VRTN: variants seen among roughly 807,000 people sequenced by gnomAD.
VRTN encodes the protein vertebrae development associated.
Under a neutral mutation model 18.2 loss-of-function variants are expected in VRTN, and 5 were observed. The ratio of observed to expected loss-of-function variants is 0.27; its 90% CI spans 0.14 to 0.58. The LOEUF (loss-of-function observed/expected upper bound fraction) is 0.58. Among genes scored for constraint, VRTN ranks in the 20% least tolerant of loss-of-function variants. The probability of loss-of-function intolerance (pLI) is 0.91; values close to 1 mark genes in which losing one functional copy is unlikely to be tolerated. For synonymous variants in VRTN, 381 were observed against 393.7 expected (o/e 0.97, Z 0.38); for missense variants, 741 against 939.4 (o/e 0.79, Z 2.76).
chr14:74,305,713 G>T, intron 1 of VRTN: 1 of 152,544 alleles, frequency 6.6e-6, no homozygotes, highest in Non-Finnish European at 1.5e-5. Context: ...TTGGCTCACT[G>T]CAACCTCTGC....
rs2085753836 is a variant in VRTN at position 74,358,499 on chromosome 14, TGAG to T, written c.1720_1722del (p.Glu574del). On this transcript the variant is annotated inframe_deletion, in exon 2 of 2. Transcript: ENST00000256362. The surrounding 1 kb of genome is among the most constrained non-coding windows in gnomAD (Gnocchi z 5.4). ...CCTTGGGCAAAGGGGGGCAGGAGGC[TGAG>T]GAGAAGCAGGAGAAGGAGGCTGGCA... The T allele has an allele frequency of 6.2e-7, 1 of 1,614,070 alleles. No homozygotes were observed. Among genetic ancestry groups the T allele is most frequent in the Non-Finnish European group, 8.5e-7 (1 of 1,179,952 alleles).
intron 1 of VRTN, among the ~76,000 whole-genome samples, chr14:74,355,367 A>T (rs906242140): frequency 6.6e-6 from 1 of 152,078 alleles, no homozygotes; most frequent in Non-Finnish European, 1.5e-5. Flanking sequence ...TGCTAAAGGG[A>T]GCTAATTTAT....
At chr14:74,309,313 T>TCCCCA (rs1447937312) in intron 1 of VRTN, among the ~76,000 whole-genome samples, 2 of 152,152 alleles carry the variant, frequency 1.3e-5, no homozygotes, top group Non-Finnish European at 2.9e-5. Context: ...CACTACTGTG[T>TCCCCA]CCCCATTTTC....
chr14:74,345,710 G>T (rs2085639570), upstream of VRTN, among the ~76,000 whole-genome samples: 1 of 150,432 alleles, frequency 6.6e-6, no homozygotes, highest in Non-Finnish European at 1.5e-5. Flanking sequence ...GATCACCTGT[G>T]GTCAGGAGTT....
intron 1 of VRTN, among the ~76,000 whole-genome samples, chr14:74,319,206 G>C (rs1442923840): frequency 6.6e-6 from 1 of 151,490 alleles, no homozygotes; most frequent in East Asian, 1.9e-4. Context: ...GCTAATTTTT[G>C]TATTTTCAGT....
intron 1 of VRTN, among the ~76,000 whole-genome samples, chr14:74,324,033 A>T (rs1015359714): frequency 6.6e-5 from 10 of 152,070 alleles, no homozygotes; most frequent in African/African-American, 2.4e-4. Context: ...GGTCCTGAGG[A>T]TTGAGAGCTT....
rs1260462655 is a variant in VRTN at position 74,358,255 on chromosome 14, C to T, written c.1472C>T (p.Pro491Leu). 5 of 1,611,084 alleles carry T rather than the reference C, an allele frequency of 3.1e-6. No individual in the cohort carries two copies. The highest frequency in any genetic ancestry group is 2.2e-5 in the East Asian group (1 of 44,806). ...GCAGGGAATGCCACAGGTGAGGACC[C>T]TCCCGCCCCCGGGGAGCTCCTGCCA... ...EGAGNATGED[P>L]PAPGELLPLR... Residue 491 changes from proline to leucine, a missense_variant, in exon 2 of 2, where the codon CCT (proline) becomes CTT (leucine). By Grantham distance (98) the Pro-to-Leu change is moderately conservative. Around this residue, in one of 3 missense-constraint regions of VRTN, gnomAD observed 494 missense variants for 546.5 expected, o/e 0.90. Transcript: ENST00000256362. The surrounding 1 kb of genome is among the most constrained non-coding windows in gnomAD (Gnocchi z 5.4).
intron 2 of VRTN, among the ~76,000 whole-genome samples, chr14:74,341,819 G>A (rs1303632806): frequency 2.0e-5 from 3 of 152,192 alleles, no homozygotes; most frequent in Non-Finnish European, 2.9e-5. Flanking sequence ...ACACCTGGCC[G>A]CATGTCTTTT....
upstream of VRTN, among the ~76,000 whole-genome samples, chr14:74,344,244 T>TATAAAAAAAAAAAAA (rs2085627088): frequency 4.0e-4 from 1 of 2,476 alleles, no homozygotes; most frequent in African/African-American, 1.9e-3. Context: ...CTCTGCTTTC[T>TATAAAAAAAAAAAAA]ACAAAAAAAA....
intron 1 of VRTN, among the ~76,000 whole-genome samples, chr14:74,353,590 CTTTTG>C (rs998972374): frequency 6.6e-6 from 1 of 151,898 alleles, no homozygotes; most frequent in African/African-American, 2.4e-5. Flanking sequence ...CCCTGAAAAC[CTTTTG>C]TTTATATAGG....
At position 74,308,832 on chromosome 14, in the gene VRTN, G is replaced by A. The variant is rs2140190953; in HGVS notation, c.-164+5656G>A. Among the ~76,000 whole-genome samples the A allele has an allele frequency of 3.3e-5, 5 of 149,526 alleles. No homozygotes were observed. The South Asian group carries it at 1.0e-3, about 31-fold the overall frequency. On this transcript the variant is annotated intron_variant, in intron 1 of 2. Transcript: ENST00000557177. ...CACCCTGCTCTTCAAGGCTTCTTAT[G>A]CCCTGGCCTTGCCTATTGCTCCAAC...
At chr14:74,348,971 G>T (rs1474516879) in intron 1 of VRTN, among the ~76,000 whole-genome samples, 1 of 150,326 alleles carries the variant, frequency 6.7e-6, no homozygotes, top group East Asian at 2.0e-4. Context: ...GGGCTTCTCA[G>T]GTTGGATCCC....
At chr14:74,331,326 G>A (rs938286811) in intron 1 of VRTN, among the ~76,000 whole-genome samples, 4 of 151,414 alleles carry the variant, frequency 2.6e-5, no homozygotes, top group Non-Finnish European at 5.9e-5. Flanking sequence ...TCAGGAGTTC[G>A]AGACCAGCCC....
Position 74,357,800 on chromosome 14 carries a change from C to T in VRTN, c.1017C>T (p.Phe339=), listed in dbSNP as rs2140215499. The change falls in exon 2 of 2, where the codon TTC becomes TTT. Residue 339 remains phenylalanine (F), a synonymous_variant. Transcript: ENST00000256362. The surrounding 1 kb of genome is among the most constrained non-coding windows in gnomAD (Gnocchi z 7.8). ...CACTTCAGCAGTTCCTCCAGCGGTT[C>T]CCGGAGATCTCCCGCTCAACCTACT... ...VVPLQQFLQR[F]PEISRSTYYA... is the part of the protein sequence containing the mutation. 1.9e-6 allele frequency: 3 copies of T among 1,613,174 alleles called. No homozygotes were observed. The Middle Eastern group carries it at 4.9e-4, about 266-fold the overall frequency.
chr14:74,339,808 G>T (rs1171449302), intron 2 of VRTN, among the ~76,000 whole-genome samples: 3 of 152,160 alleles, frequency 2.0e-5, no homozygotes, highest in Admixed American at 2.0e-4. Context: ...AGAAGACCCT[G>T]TCTCAAAAAC....
intron 1 of VRTN, among the ~76,000 whole-genome samples, chr14:74,330,071 C>T (rs1414988400): frequency 6.6e-6 from 1 of 151,682 alleles, no homozygotes. Context: ...GACGGGGTTT[C>T]GCTATGTTGG....
chr14:74,320,182 C>T (rs1178389252), intron 1 of VRTN, among the ~76,000 whole-genome samples: 1 of 150,190 alleles, frequency 6.7e-6, no homozygotes, highest in Non-Finnish European at 1.5e-5. Context: ...CCTCAGTCTT[C>T]GAGGCTGCAG....
intron 1 of VRTN, among the ~76,000 whole-genome samples, chr14:74,322,870 AC>A (rs1175692338): frequency 2.0e-5 from 3 of 152,236 alleles, no homozygotes; most frequent in Non-Finnish European, 2.9e-5. Context: ...ACGGTGGCTC[AC>A]GCCTGTAATC....
At chr14:74,326,027 TAAAGAATGCGGCTCTG>T (rs1280185622) in intron 1 of VRTN, among the ~76,000 whole-genome samples, 1 of 152,124 alleles carries the variant, frequency 6.6e-6, no homozygotes, top group Non-Finnish European at 1.5e-5. Context: ...TCATTTTACC[TAAAGAATGCGGCTCTG>T]AAAGGTTAGT....
Sources: gnomAD v4.1 joint callset for allele counts (sites outside exome capture counted in the v4.1 genomes callset) on GRCh38, gnomAD v4.1.1 for gene constraint, gnomAD v4.1.1 regional missense constraint, Gnocchi (gnomAD v3.1) non-coding constraint, MANE v1.5 for transcripts, NCBI Gene and HGNC (gene_info 2026-07-23, HGNC 2026-07-21) for gene names.